HERC5: variants seen among roughly 807,000 people sequenced by gnomAD.
HERC5 encodes HECT and RLD domain containing E3 ubiquitin protein ligase 5.
Under a neutral mutation model 119.6 loss-of-function variants are expected in HERC5, and 99 were observed. The ratio of observed to expected loss-of-function variants is 0.83; its 90% CI spans 0.70 to 0.98. The LOEUF (loss-of-function observed/expected upper bound fraction) is 0.98, where lower values mean the gene tolerates loss of function less well. Among genes scored for constraint, HERC5 ranks in the 50% least tolerant of loss-of-function variants. The pLI is 0.00. For missense variants in HERC5, 1,267 were observed against 1,241.3 expected (o/e 1.02, Z -0.31); for synonymous variants, 478 against 445.9 (o/e 1.07, Z -0.91).
chr4:88,470,860 C>T (rs1740846986), intron 10 of HERC5, among the ~76,000 whole-genome samples, 187 bp downstream of exon 10: 1 of 151,870 alleles, frequency 6.6e-6, no homozygotes, highest in Non-Finnish European at 1.5e-5. Flanking sequence ...AAGTGAAAAT[C>T]TTCCATAATC....
chr4:88,495,684 C>T (rs139310661), intron 18 of HERC5, among the ~76,000 whole-genome samples: 3 of 152,038 alleles, frequency 2.0e-5, no homozygotes, highest in African/African-American at 4.8e-5. Flanking sequence ...AATGGCAGAA[C>T]GATGATCTGA....
intron 13 of HERC5, among the ~76,000 whole-genome samples, chr4:88,485,104 T>C (rs1328721421): frequency 6.6e-6 from 1 of 151,994 alleles, no homozygotes; most frequent in African/African-American, 2.4e-5. Flanking sequence ...AAATGAGAAA[T>C]TTATTGAAGA....
At position 88,489,222 on chromosome 4, in the gene HERC5, T is replaced by C. The variant is rs753133847; in HGVS notation, c.2019T>C (p.Ser673=). 17 of 1,613,784 alleles carry C rather than the reference T, an allele frequency of 1.1e-5. No individual in the cohort carries two copies. Among genetic ancestry groups the C allele is most frequent in the Non-Finnish European group, 1.4e-5 (17 of 1,179,886 alleles). ...CAGCAATTGAGGAAGAAAGAGAGTC[T>C]GAATTCGCTTTGAGGCCCACGTTTG... ...RSAAIEEERE[S]EFALRPTFDL... is the part of the protein sequence containing the mutation. Residue 673 remains serine, a synonymous_variant, in exon 16 of 23, where the codon TCT becomes TCC. Coordinates refer to ENST00000264350, the MANE Select transcript of HERC5 (RefSeq NM_016323.4).
At chr4:88,470,732 T>TA (rs1472349835) in intron 10 of HERC5, 59 bp downstream of exon 10, 6 of 766,740 alleles carry the variant, frequency 7.8e-6, no homozygotes, top group African/African-American at 5.5e-5. Context: ...TGAAAGAGGA[T>TA]AAAAAAATGA....
chr4:88,504,740 A>G (rs1029776968), intron 22 of HERC5, 143 bp downstream of exon 22: 3 of 433,284 alleles, frequency 6.9e-6, no homozygotes, highest in African/African-American at 4.1e-5. Context: ...GTGTCCCAAC[A>G]TCAAAAAACA....
Position 88,479,350 on chromosome 4 carries a change from C to G in HERC5, c.1583-3C>G. The G allele has an allele frequency of 3.8e-6, 6 of 1,571,364 alleles. No individual in the cohort carries two copies. Among genetic ancestry groups the G allele is most frequent in the Non-Finnish European group, 5.1e-6 (6 of 1,165,458 alleles). On this transcript the variant is annotated splice_region_variant and splice_polypyrimidine_tract_variant and intron_variant, in intron 12 of 22. Transcript: ENST00000264350. ...AAAAATTTGCTTTCCTTGTGTTCCT[C>G]AGAAGAGTATTGGGCAACTCTGCAA...
At chr4:88,466,428 C>T (rs1392861219) in intron 6 of HERC5, among the ~76,000 whole-genome samples, 1 of 152,154 alleles carries the variant, frequency 6.6e-6, no homozygotes, top group Non-Finnish European at 1.5e-5. Flanking sequence ...TAAATCATTG[C>T]CCGGATAGTT....
chr4:88,472,451 A>G lies in HERC5; in HGVS notation c.1341A>G (p.Lys447=), dbSNP rs1191290356. 1 of 1,603,398 alleles carries G rather than the reference A, an allele frequency of 6.2e-7. No homozygotes were observed. Among genetic ancestry groups the G allele is most frequent in the Non-Finnish European group, 8.5e-7 (1 of 1,172,174 alleles). The part of the protein sequence containing the change: ...EMMPVYLDLN[K]ARNIFKELTQ... ...TGCCTGTTTATTTGGACTTAAATAA[A>G]GCAAGAAACATCTTCAAGGAGTTAA... The change falls in exon 11 of 23, where the codon AAA becomes AAG. Residue 447 remains lysine, a synonymous_variant. Coordinates refer to ENST00000264350, the MANE Select transcript of HERC5 (RefSeq NM_016323.4).
intron 20 of HERC5, 125 bp from the exon 21 acceptor site, chr4:88,504,107 A>G (rs1448859138): frequency 2.6e-5 from 15 of 580,060 alleles, no homozygotes; most frequent in Admixed American, 6.4e-5. Context: ...TCTAGTAACT[A>G]TGACAGTCCA....
chr4:88,488,829 A>G (rs143872346), intron 15 of HERC5, among the ~76,000 whole-genome samples: 1 of 152,238 alleles, frequency 6.6e-6, no homozygotes, highest in East Asian at 1.9e-4. Context: ...GTGGATACCA[A>G]TACATCTCTT....
chr4:88,468,187 T>C (rs1740741537), intron 7 of HERC5, among the ~76,000 whole-genome samples, 159 bp from the exon 8 acceptor site: 1 of 152,196 alleles, frequency 6.6e-6, no homozygotes, highest in Non-Finnish European at 1.5e-5. Flanking sequence ...CCAAAGGATA[T>C]GTATTTCAGC....
chr4:88,477,181 A>C (rs1741095238), intron 12 of HERC5, among the ~76,000 whole-genome samples: 1 of 130,986 alleles, frequency 7.6e-6, no homozygotes, highest in Non-Finnish European at 1.6e-5. Flanking sequence ...AGATAGATAG[A>C]TAGTGAAACC....
chr4:88,487,042 C>G, intron 14 of HERC5, 27 bp from the exon 15 acceptor site: 3 of 1,488,266 alleles, frequency 2.0e-6, no homozygotes, highest in Non-Finnish European at 2.8e-6. Context: ...TTTAACTTAT[C>G]AGAATTATTG....
chr4:88,458,204 T>C (rs1364210289), intron 1 of HERC5: 2 of 436,466 alleles, frequency 4.6e-6, no homozygotes, highest in Non-Finnish European at 6.1e-6. Context: ...TGAATAAGAA[T>C]AGCCTTTTGC....
chr4:88,482,807 T>G (rs1741323480), intron 13 of HERC5, among the ~76,000 whole-genome samples: 2 of 152,136 alleles, frequency 1.3e-5, no homozygotes, highest in South Asian at 2.1e-4. Flanking sequence ...ATTTTTGTAT[T>G]TTTTGTAGAG....
intron 13 of HERC5, 85 bp downstream of exon 13, chr4:88,479,592 C>G: frequency 8.8e-7 from 1 of 1,133,480 alleles, no homozygotes; most frequent in South Asian, 2.0e-5. Flanking sequence ...TTTAAGTAGA[C>G]TCGTGTGAGA....
At position 88,494,348 on chromosome 4, in the gene HERC5, C is replaced by T; in HGVS notation, c.2444+17C>T. Reference sequence around the variant, plus strand: ...TTTGGGAAAGTAAGTAAACAGAGTTCCTGAGAAAGGACCCTTTCTAACATA... The same window carrying T: ...TTTGGGAAAGTAAGTAAACAGAGTTTCTGAGAAAGGACCCTTTCTAACATA... On this transcript the variant is annotated intron_variant, in intron 18 of 22. Transcript: ENST00000264350. 6.2e-7 allele frequency: 1 copy of T among 1,603,492 alleles called. No homozygotes were observed. Among genetic ancestry groups the T allele is most frequent in the Non-Finnish European group, 8.5e-7 (1 of 1,173,226 alleles).
At chr4:88,464,747 A>G (rs530361749) in intron 6 of HERC5, among the ~76,000 whole-genome samples, 3 of 151,112 alleles carry the variant, frequency 2.0e-5, no homozygotes, top group East Asian at 1.9e-4. Context: ...CACTGCCACA[A>G]CTGGCTAATT....
chr4:88,469,893 C>G (rs1338566791), intron 9 of HERC5, among the ~76,000 whole-genome samples: 2 of 152,114 alleles, frequency 1.3e-5, no homozygotes, highest in African/African-American at 4.8e-5. Flanking sequence ...TTCTCCAGGC[C>G]TCTGTTTATG....
Sources: allele counts gnomAD v4.1 joint callset (sites outside exome capture counted in the v4.1 genomes callset), GRCh38; gene constraint gnomAD v4.1.1; transcripts MANE v1.5; gene names NCBI Gene and HGNC (gene_info 2026-07-23, HGNC 2026-07-21).